Variants in TESK2 observed in about 807,000 individuals in gnomAD.
TESK2 encodes dual specificity testis-specific protein kinase 2.
TESK2 carries 39 observed loss-of-function variants against 57.1 expected under a neutral mutation model. The observed-to-expected ratio is 0.68, with a 90% CI of 0.53 to 0.89. The LOEUF is 0.89. TESK2 is among the 40% of genes least tolerant of loss of function. The pLI is 0.00. For missense variants in TESK2, 646 were observed against 732.1 expected (o/e 0.88, Z 1.36); for synonymous variants, 249 against 267.9 (o/e 0.93, Z 0.69).
Position 45,346,761 on chromosome 1 carries a change from C to CAT in TESK2, c.809_810dup (p.Asp271MetfsTer44). ...TCTCCCACCATGTGCTGGAAAGCATCATAGTCCAGCCCGAAATTCTGTGGA... is the reference window on the plus strand; with the variant it reads ...TCTCCCACCATGTGCTGGAAAGCATCATATAGTCCAGCCCGAAATTCTGTGGA... On this transcript the variant is annotated frameshift_variant, in exon 9 of 11. Coordinates refer to ENST00000372086, the MANE Select transcript of TESK2 (RefSeq NM_007170.3). LOFTEE classifies it high-confidence loss of function. The CAT allele has an allele frequency of 1.2e-6, 2 of 1,614,068 alleles. No homozygotes were observed. Among genetic ancestry groups the CAT allele is most frequent in the Non-Finnish European group, 1.7e-6 (2 of 1,179,970 alleles).
At chr1:45,346,045 A>C in intron 9 of TESK2, 51 bp from the exon 10 acceptor site, 2 of 1,356,566 alleles carry the variant, frequency 1.5e-6, no homozygotes, top group African/African-American at 1.4e-5. Flanking sequence ...TCCCACCCCA[A>C]AGATGGCATT....
intron 5 of TESK2, among the ~76,000 whole-genome samples, chr1:45,351,502 T>G (rs1238605069): frequency 6.6e-6 from 1 of 152,234 alleles, no homozygotes; most frequent in African/African-American, 2.4e-5. Context: ...GATAGGAAAC[T>G]AGGGATCTTT....
At chr1:45,427,310 A>T (rs115148432) in intron 2 of TESK2, among the ~76,000 whole-genome samples, 342 of 151,902 alleles carry the variant, frequency 2.3e-3, no homozygotes, top group Non-Finnish European at 3.6e-3. Context: ...CACTGTTGGT[A>T]GGAATGTAAA....
chr1:45,426,321 T>A (rs1451145617), intron 2 of TESK2, among the ~76,000 whole-genome samples: 1 of 152,138 alleles, frequency 6.6e-6, no homozygotes, highest in East Asian at 1.9e-4. Context: ...AAACTCTCAT[T>A]TTCAACAAAA....
chr1:45,385,450 G>T, intron 4 of TESK2: 1 of 520,102 alleles, frequency 1.9e-6, no homozygotes, highest in Non-Finnish European at 2.5e-6. Context: ...CAGGGACTGT[G>T]GAATTCTAGA....
chr1:45,485,443 T>TC (rs1431589173), intron 1 of TESK2, among the ~76,000 whole-genome samples: 1 of 151,970 alleles, frequency 6.6e-6, no homozygotes, highest in Admixed American at 6.6e-5. Flanking sequence ...CGCCTCGGCC[T>TC]CCCAAAGTGC....
intron 3 of TESK2, among the ~76,000 whole-genome samples, chr1:45,402,296 C>T (rs578177199): frequency 1.1e-4 from 17 of 150,420 alleles, no homozygotes; most frequent in Admixed American, 1.0e-3. Context: ...CAGAAGACAG[C>T]CAGGAGGATC....
chr1:45,466,109 G>A (rs931715501), intron 1 of TESK2, among the ~76,000 whole-genome samples: 5 of 152,084 alleles, frequency 3.3e-5, no homozygotes, highest in African/African-American at 4.8e-5. Context: ...TTGAGAGGCC[G>A]AGGAGGTGGA....
intron 2 of TESK2, among the ~76,000 whole-genome samples, chr1:45,436,464 C>T (rs1447110492): frequency 7.2e-6 from 1 of 139,342 alleles, no homozygotes; most frequent in Admixed American, 7.6e-5. Flanking sequence ...GGATCATGAG[C>T]CACCGTGCCT....
chr1:45,433,135 T>C (rs2642900), intron 2 of TESK2, among the ~76,000 whole-genome samples: 1 of 126,342 alleles, frequency 7.9e-6, no homozygotes, highest in Admixed American at 9.5e-5. Flanking sequence ...GTTGCAGTGG[T>C]GCAATCTCGG....
intron 4 of TESK2, among the ~76,000 whole-genome samples, chr1:45,380,562 T>C (rs1248658088): frequency 6.6e-6 from 1 of 152,206 alleles, no homozygotes; most frequent in Non-Finnish European, 1.5e-5. Context: ...AGAAAACATA[T>C]ACCATGTAAG....
chr1:45,459,353 T>C (rs1363990848), intron 1 of TESK2, among the ~76,000 whole-genome samples: 1 of 152,194 alleles, frequency 6.6e-6, no homozygotes, highest in Non-Finnish European at 1.5e-5. Flanking sequence ...TAATCCCCAA[T>C]TCTTAAGGCC....
chr1:45,482,797 T>C (rs928479531), intron 1 of TESK2, among the ~76,000 whole-genome samples: 10 of 151,734 alleles, frequency 6.6e-5, no homozygotes, highest in Non-Finnish European at 1.0e-4. Context: ...CTGGCTAACA[T>C]GGTGAAACCC....
At position 45,344,275 on chromosome 1, in the gene TESK2, C is replaced by T. The variant is rs1647105009; in HGVS notation, c.*565G>A. The T allele has an allele frequency of 6.3e-6, 1 of 157,704 alleles. No homozygotes were observed. Among genetic ancestry groups the T allele is most frequent in the Non-Finnish European group, 1.4e-5 (1 of 71,222 alleles). The allele number at this position is 157,704 out of a possible 1,614,324, so 9.8% of individuals were successfully genotyped here. On this transcript the variant is annotated 3_prime_UTR_variant, in exon 11 of 11. Transcript: ENST00000372086. ...GAATAGGTTAGCTAAGAGCCATGAC[C>T]ACCACGCTGCCTTGCTGTCCCCTTG... is the stretch of plus-strand genomic sequence containing the variant.
At chr1:45,363,735 T>C (rs889474176) in intron 4 of TESK2, among the ~76,000 whole-genome samples, 4 of 152,000 alleles carry the variant, frequency 2.6e-5, no homozygotes, top group Admixed American at 1.3e-4. Context: ...TTTTTTTTTT[T>C]CTGTATAAGT....
chr1:45,387,202 A>T (rs769711430), intron 3 of TESK2, among the ~76,000 whole-genome samples: 3 of 152,278 alleles, frequency 2.0e-5, no homozygotes, highest in South Asian at 2.1e-4. Context: ...AAAAGCCCCA[A>T]TTGGAAGTAA....
At chr1:45,396,173 G>A (rs930156728) in intron 3 of TESK2, among the ~76,000 whole-genome samples, 2 of 151,890 alleles carry the variant, frequency 1.3e-5, no homozygotes, top group African/African-American at 2.4e-5. Flanking sequence ...ATGCAGCAGC[G>A]CTATCTGGCC....
In TESK2 at chr1:45,457,559, C is replaced by T. The variant is rs1652156349; in HGVS notation, c.222+5G>A. ...CAATATGAGAAAAGCTGAAGACTCACTCACCTTGAACACTTCAGAAAAGAA... is the reference window on the plus strand; with the variant it reads ...CAATATGAGAAAAGCTGAAGACTCATTCACCTTGAACACTTCAGAAAAGAA... On this transcript the variant is annotated splice_donor_5th_base_variant and intron_variant, in intron 2 of 10. Transcript: ENST00000372086. The T allele has an allele frequency of 5.6e-6, 9 of 1,612,722 alleles. No individual in the cohort carries two copies. Among genetic ancestry groups the T allele is most frequent in the Non-Finnish European group, 5.9e-6 (7 of 1,179,016 alleles).
intron 3 of TESK2, among the ~76,000 whole-genome samples, chr1:45,419,799 T>A (rs1650391577): frequency 6.6e-6 from 1 of 151,794 alleles, no homozygotes; most frequent in African/African-American, 2.4e-5. Context: ...AGAGTGAAAC[T>A]CCGTCTCAAA....
Sources: allele counts gnomAD v4.1 joint callset (sites outside exome capture counted in the v4.1 genomes callset), GRCh38; gene constraint gnomAD v4.1.1; transcripts MANE v1.5; gene names NCBI Gene and HGNC (gene_info 2026-07-23, HGNC 2026-07-21).